The following PEX14 variants were observed in gnomAD, a reference collection of about 807,000 sequenced individuals.
PEX14 encodes peroxisomal membrane protein PEX14.
In PEX14, 15 loss-of-function variants were observed where a neutral mutation model predicts 49.5. That is an observed-to-expected ratio of 0.30 (90% CI 0.20 to 0.47). PEX14 has a LOEUF of 0.47. Ranked by LOEUF, PEX14 falls within the 20% of genes least tolerant of loss-of-function variation. The pLI is 1.00. For missense variants in PEX14, 398 were observed against 494.8 expected, an observed-to-expected ratio of 0.80 and a Z score of 1.86; for synonymous variants, 210 against 212.7, an observed-to-expected ratio of 0.99 and a Z score of 0.11.
chr1:10,608,278 G>C (rs1641178846), intron 4 of PEX14, among the ~76,000 whole-genome samples: 1 of 152,182 alleles, frequency 6.6e-6, no homozygotes, highest in Non-Finnish European at 1.5e-5. Context: ...TGAAGGTCAA[G>C]GTTCGTTTCT....
intron 3 of PEX14, among the ~76,000 whole-genome samples, chr1:10,593,920 C>T (rs1011335321): frequency 1.3e-5 from 2 of 152,148 alleles, no homozygotes; most frequent in South Asian, 2.1e-4. Context: ...ATGCTTCCAT[C>T]GGCATCTGCT....
rs1641871957 is a variant in PEX14 at position 10,629,936 on chromosome 1, G to A, written c.1083G>A (p.Val361=). Residue 361 remains valine, a synonymous_variant, in exon 9 of 9, where the codon GTG becomes GTA. Coordinates refer to ENST00000356607, the MANE Select transcript of PEX14 (RefSeq NM_004565.3). This position sits in a 1 kb window ranked among gnomAD's most constrained non-coding sequence, Gnocchi z 8.5. Reference sequence around the variant, plus strand: ...GGGATGGGCAGATCAACGAGCAGGTGGAGAAGCTGCGGCGGCCCGAGGGCG... The same window carrying A: ...GGGATGGGCAGATCAACGAGCAGGTAGAGAAGCTGCGGCGGCCCGAGGGCG... The part of the protein sequence containing the change: ...RGGDGQINEQ[V]EKLRRPEGAS... The A allele has an allele frequency of 1.2e-6, 2 of 1,612,740 alleles. No homozygotes were observed. Among genetic ancestry groups the A allele is most frequent in the East Asian group, 2.2e-5 (1 of 44,832 alleles).
At chr1:10,535,104 T>G (rs1443676239) in intron 2 of PEX14, among the ~76,000 whole-genome samples, 2 of 152,232 alleles carry the variant, frequency 1.3e-5, no homozygotes, top group Admixed American at 1.3e-4. Flanking sequence ...CAGGGCCTGT[T>G]GACTTTATCT....
intron 1 of PEX14, among the ~76,000 whole-genome samples, chr1:10,487,893 G>A (rs1371140693): frequency 2.6e-5 from 4 of 152,036 alleles, no homozygotes; most frequent in African/African-American, 9.7e-5. Context: ...GGATTCTTCT[G>A]CCTCAGCCTC....
intron 4 of PEX14, among the ~76,000 whole-genome samples, chr1:10,599,631 C>T (rs1640927576): frequency 6.6e-6 from 1 of 152,178 alleles, no homozygotes; most frequent in Non-Finnish European, 1.5e-5. Context: ...ATGCAGAAAA[C>T]CTGTACAACT....
intron 2 of PEX14, among the ~76,000 whole-genome samples, chr1:10,507,579 G>T (rs1287574923): frequency 6.6e-6 from 1 of 152,184 alleles, no homozygotes; most frequent in Non-Finnish European, 1.5e-5. Context: ...TTCATGTGAT[G>T]TCTATATAGC....
rs1338734942 is a variant in PEX14, at chr1:10,613,917, TCCCAGCTAGAGAAGAGTGACTGC to T, written c.299-4410_299-4388del. ...AGCCCACTCATTCTCTTCCTTTTCT[TCCCAGCTAGAGAAGAGTGACTGC>T]CCCATCTCCTGCCCTTGTCTTTATA... On this transcript the variant is annotated intron_variant, in intron 4 of 8. Transcript: ENST00000356607. This position sits in a 1 kb window ranked among gnomAD's most constrained non-coding sequence, Gnocchi z 5.0. 6.6e-6 allele frequency among the ~76,000 whole-genome samples: 1 copy of T among 152,172 alleles called. No homozygotes were observed. The highest frequency in any genetic ancestry group is 2.4e-5 in the African/African-American group (1 of 41,446).
intron 2 of PEX14, among the ~76,000 whole-genome samples, chr1:10,534,759 A>G (rs536862370): frequency 6.6e-6 from 1 of 152,130 alleles, no homozygotes; most frequent in Admixed American, 6.5e-5. Context: ...CCTGTTGGTG[A>G]CAGGCCCAGA....
intron 3 of PEX14, among the ~76,000 whole-genome samples, chr1:10,543,613 T>C (rs2124496109): frequency 6.6e-6 from 1 of 152,292 alleles, no homozygotes; most frequent in South Asian, 2.1e-4. Flanking sequence ...AGGGAGGAGC[T>C]GGGGTTAGGA....
At chr1:10,602,826 G>C (rs183393568) in intron 4 of PEX14, among the ~76,000 whole-genome samples, 16 of 152,326 alleles carry the variant, frequency 1.1e-4, no homozygotes, top group Admixed American at 9.8e-4. Flanking sequence ...TCTGCGTCGG[G>C]AGGGATTTAT....
intron 3 of PEX14, among the ~76,000 whole-genome samples, chr1:10,588,702 T>C (rs1333198197): frequency 6.6e-6 from 1 of 152,170 alleles, no homozygotes; most frequent in Non-Finnish European, 1.5e-5. Flanking sequence ...TCGATGGTCA[T>C]GGTATCCAAG....
chr1:10,584,236 G>A (rs1414936685), intron 3 of PEX14, among the ~76,000 whole-genome samples: 2 of 152,152 alleles, frequency 1.3e-5, no homozygotes, highest in African/African-American at 4.8e-5. Context: ...GTTTGGAGTT[G>A]TCATTAACTA....
intron 3 of PEX14, among the ~76,000 whole-genome samples, chr1:10,584,025 G>T (rs940018251): frequency 6.6e-6 from 1 of 152,230 alleles, no homozygotes; most frequent in African/African-American, 2.4e-5. Context: ...TAAGCAAGGA[G>T]TTATACCATC....
intron 2 of PEX14, chr1:10,535,779 G>A: frequency 3.2e-6 from 1 of 312,956 alleles, no homozygotes; most frequent in Admixed American, 4.4e-5. Context: ...TAGAGAACGT[G>A]TGTGTGTGTG....
intron 3 of PEX14, among the ~76,000 whole-genome samples, chr1:10,553,188 G>A (rs1639385159): frequency 1.3e-5 from 2 of 152,234 alleles, no homozygotes; most frequent in African/African-American, 2.4e-5. Context: ...GGATGGAGAG[G>A]ATGGATTAGA....
chr1:10,488,666 A>AT (rs907233799), intron 1 of PEX14, among the ~76,000 whole-genome samples: 12 of 147,266 alleles, frequency 8.1e-5, no homozygotes, highest in Admixed American at 2.0e-4. Context: ...TGCCTGGCTA[A>AT]TTTTTTTTTT....
chr1:10,579,607 G>C (rs1640251221), intron 3 of PEX14, among the ~76,000 whole-genome samples: 1 of 152,156 alleles, frequency 6.6e-6, no homozygotes, highest in South Asian at 2.1e-4. Flanking sequence ...GGGAGCTGCT[G>C]GTTGCCCATT....
At chr1:10,563,650 C>T (rs961062558) in intron 3 of PEX14, among the ~76,000 whole-genome samples, 2 of 151,720 alleles carry the variant, frequency 1.3e-5, no homozygotes, top group African/African-American at 2.4e-5. Context: ...TTGGGCCGGG[C>T]GCAGTGGCTC....
intron 2 of PEX14, among the ~76,000 whole-genome samples, chr1:10,503,540 T>C (rs1275139875): frequency 6.6e-6 from 1 of 151,954 alleles, no homozygotes; most frequent in Non-Finnish European, 1.5e-5. Context: ...TGTTTTTCTT[T>C]TGATTAAAAT....
Sources: gnomAD v4.1 joint callset for allele counts (sites outside exome capture counted in the v4.1 genomes callset) on GRCh38, gnomAD v4.1.1 for gene constraint, Gnocchi (gnomAD v3.1) non-coding constraint, MANE v1.5 for transcripts, NCBI Gene and HGNC (gene_info 2026-07-23, HGNC 2026-07-21) for gene names.